Variants in DNAJC13 observed in about 807,000 individuals in gnomAD.
The protein encoded by DNAJC13 is DnaJ heat shock protein family (Hsp40) member C13.
Under a neutral mutation model 290.5 loss-of-function variants are expected in DNAJC13, and 75 were observed. The observed-to-expected ratio is 0.26, with a 90% confidence interval of 0.21 to 0.31. The LOEUF (loss-of-function observed/expected upper bound fraction) is 0.31, where lower values mean the gene tolerates loss of function less well. Among genes scored for constraint, DNAJC13 ranks in the 10% least tolerant of loss-of-function variants. The pLI is 1.00. For missense variants in DNAJC13, 2,260 were observed against 2,674.5 expected, an observed-to-expected ratio of 0.85 and a Z score of 3.42; for synonymous variants, 862 against 892.0, an observed-to-expected ratio of 0.97 and a Z score of 0.60.
At chr3:132,485,127 C>A (rs886125681) in intron 29 of DNAJC13, among the ~76,000 whole-genome samples, 24 of 151,850 alleles carry the variant, frequency 1.6e-4, no homozygotes, top group Admixed American at 6.6e-5. Flanking sequence ...ACATTCATTT[C>A]ACTTAATTTT....
At chr3:132,491,772 T>G (rs922615370) in intron 32 of DNAJC13, among the ~76,000 whole-genome samples, 10 of 152,278 alleles carry the variant, frequency 6.6e-5, no homozygotes, top group Admixed American at 6.5e-4. Context: ...CTCGTCAGAC[T>G]GCACACACTC....
rs372860831 is a variant in DNAJC13 at position 132,529,604 on chromosome 3, G to A, written c.6525+1272G>A. On this transcript the variant is annotated intron_variant, in intron 54 of 55. Transcript: ENST00000260818. ...AGATCAAGACCATCTTGGCTAACAC[G>A]GTGAAACCCCGTCTCTACTAAAAAT... Among the ~76,000 whole-genome samples the A allele has an allele frequency of 6.6e-5, 10 of 152,168 alleles. No homozygotes were observed. In the East Asian group the frequency reaches 9.7e-4, roughly 15 times the overall value.
Position 132,491,566 on chromosome 3 carries a change from G to C in DNAJC13, c.3623+515G>C, listed in dbSNP as rs192198631. Among the ~76,000 whole-genome samples, 48 of 152,198 alleles carry C rather than the reference G, an allele frequency of 3.2e-4. No individual in the cohort carries two copies. In the East Asian group the frequency reaches 8.5e-3, roughly 27 times the overall value. ...GCATTCCTAAGGTATGTCTTTGTTGGGGGGGAATGCCATAGGAGAAACCTG... is the reference window on the plus strand; with the variant it reads ...GCATTCCTAAGGTATGTCTTTGTTGCGGGGGAATGCCATAGGAGAAACCTG... On this transcript the variant is annotated intron_variant, in intron 32 of 55. Coordinates refer to ENST00000260818, the MANE Select transcript of DNAJC13 (RefSeq NM_015268.4).
At chr3:132,471,535 G>A (rs1351930348) in intron 20 of DNAJC13, among the ~76,000 whole-genome samples, 5 of 139,582 alleles carry the variant, frequency 3.6e-5, no homozygotes, top group Non-Finnish European at 7.9e-5. Context: ...CAGACGGGGC[G>A]GCCGGGCAGA....
At chr3:132,439,348 C>T (rs566504739) in intron 2 of DNAJC13, among the ~76,000 whole-genome samples, 1 of 152,092 alleles carries the variant, frequency 6.6e-6, no homozygotes, top group African/African-American at 2.4e-5. Flanking sequence ...TGGAGTTCTA[C>T]AAGAGAAAAG....
chr3:132,454,036 T>A, intron 8 of DNAJC13, 30 bp from the exon 9 acceptor site: 1 of 1,503,814 alleles, frequency 6.6e-7, no homozygotes, highest in Non-Finnish European at 9.0e-7. Context: ...AACTTTTTTT[T>A]GTTGAAGCTA....
chr3:132,507,471 TG>T (rs1203913330), intron 43 of DNAJC13, 118 bp downstream of exon 43: 7 of 672,244 alleles, frequency 1.0e-5, no homozygotes, highest in Admixed American at 5.5e-5. Flanking sequence ...TTTACTGTGC[TG>T]CTTTTTTTTT....
intron 55 of DNAJC13, among the ~76,000 whole-genome samples, chr3:132,533,271 A>G (rs992717899): frequency 6.7e-6 from 1 of 149,364 alleles, no homozygotes; most frequent in African/African-American, 2.5e-5. Context: ...ACTTCAGGTG[A>G]TCTGCCCACT....
chr3:132,441,586 A>G (rs1404986741), intron 2 of DNAJC13, among the ~76,000 whole-genome samples: 2 of 152,248 alleles, frequency 1.3e-5, no homozygotes, highest in Non-Finnish European at 1.5e-5. Flanking sequence ...TCCGACGTCA[A>G]GAATTTGAGA....
intron 42 of DNAJC13, 128 bp downstream of exon 42, chr3:132,505,543 A>G: frequency 7.8e-6 from 5 of 641,126 alleles, no homozygotes; most frequent in Non-Finnish European, 1.1e-5. Flanking sequence ...GCTTTCTGCC[A>G]CCTAATATTT....
intron 22 of DNAJC13, among the ~76,000 whole-genome samples, chr3:132,476,394 A>G (rs1057300475): frequency 6.6e-6 from 1 of 152,164 alleles, no homozygotes; most frequent in Admixed American, 6.5e-5. Context: ...AGCAAATTCC[A>G]TACAGTGCAC....
chr3:132,458,299 C>A (rs137925322), intron 13 of DNAJC13: 104 of 152,244 alleles, frequency 6.8e-4, no homozygotes, highest in African/African-American at 2.4e-3. Context: ...TTTAGGCAAG[C>A]TTAGTCGTAC....
intron 2 of DNAJC13, among the ~76,000 whole-genome samples, chr3:132,445,359 T>C (rs1409361074): frequency 6.6e-6 from 1 of 152,172 alleles, no homozygotes; most frequent in African/African-American, 2.4e-5. Context: ...GGTCACGGTG[T>C]ATTACTATTT....
intron 31 of DNAJC13, 137 bp from the exon 32 acceptor site, chr3:132,490,760 C>T (rs1437691349): frequency 1.1e-5 from 10 of 909,510 alleles, no homozygotes; most frequent in Admixed American, 3.4e-5. Flanking sequence ...TTTCCATCTA[C>T]ATTCCCAAAG....
At chr3:132,440,831 C>A (rs1224335414) in intron 2 of DNAJC13, among the ~76,000 whole-genome samples, 1 of 152,176 alleles carries the variant, frequency 6.6e-6, no homozygotes, top group Non-Finnish European at 1.5e-5. Flanking sequence ...GTCGAGGAAA[C>A]CAAAGCTTAG....
intron 43 of DNAJC13, among the ~76,000 whole-genome samples, chr3:132,509,960 G>A (rs977601679): frequency 5.3e-5 from 8 of 152,258 alleles, no homozygotes; most frequent in South Asian, 4.1e-4. Flanking sequence ...CCTTTACACC[G>A]AAATAATACC....
At position 132,525,684 on chromosome 3, in the gene DNAJC13, C is replaced by G; in HGVS notation, c.6135C>G (p.Val2045=). The G allele has an allele frequency of 1.2e-6, 2 of 1,614,180 alleles. No homozygotes were observed. The highest frequency in any genetic ancestry group is 1.7e-6 in the Non-Finnish European group (2 of 1,180,014). The change falls in exon 52 of 56, where the codon GTC becomes GTG. Residue 2045 remains valine, a synonymous_variant. Coordinates refer to ENST00000260818, the MANE Select transcript of DNAJC13 (RefSeq NM_015268.4). ...FSAQPQLADQ[V]PPLGHLPKVI... is the part of the protein sequence containing the mutation. The stretch of plus-strand genomic sequence containing the variant: ...CACAACCTCAGCTGGCAGATCAGGT[C>G]CCGCCATTGGGCCATCTTCCCAAAG...
intron 55 of DNAJC13, among the ~76,000 whole-genome samples, chr3:132,535,483 T>C (rs1936562270): frequency 6.6e-6 from 1 of 152,184 alleles, no homozygotes; most frequent in African/African-American, 2.4e-5. Flanking sequence ...ATTTATTAGG[T>C]TCTAGAACAG....
In DNAJC13 at chr3:132,450,829, T is replaced by C. The variant is rs752180538; in HGVS notation, c.519T>C (p.Tyr173=). The C allele has an allele frequency of 1.9e-6, 3 of 1,581,962 alleles. No homozygotes were observed. The highest frequency in any genetic ancestry group is 2.2e-5 in the East Asian group (1 of 44,542). ...SDYQGGFCIL[Y]GGFSRLHLFA... Reference sequence around the variant, plus strand: ...ATCAAGGAGGATTTTGTATACTTTATGGAGGATTTAGTAGATTGGTAAGTA... The same window carrying C: ...ATCAAGGAGGATTTTGTATACTTTACGGAGGATTTAGTAGATTGGTAAGTA... Residue 173 remains tyrosine (Y), a synonymous_variant, in exon 6 of 56, where the codon TAT becomes TAC. Transcript: ENST00000260818.
Sources: gnomAD v4.1 joint callset for allele counts (sites outside exome capture counted in the v4.1 genomes callset) on GRCh38, gnomAD v4.1.1 for gene constraint, MANE v1.5 for transcripts, NCBI Gene and HGNC (gene_info 2026-07-23, HGNC 2026-07-21) for gene names.